Variants in OMA1 observed in about 807,000 individuals in gnomAD.
The protein encoded by OMA1 is OMA1 zinc metallopeptidase, also known as metalloendopeptidase OMA1, mitochondrial.
In OMA1, 38 loss-of-function variants were observed where a neutral mutation model predicts 30.9. The ratio of observed to expected loss-of-function variants is 1.23; its 90% CI spans 0.95 to 1.61. The LOEUF (loss-of-function observed/expected upper bound fraction) is 1.61. Among genes scored for constraint, OMA1 ranks in the 40% most tolerant of loss-of-function variants. The pLI, the probability that OMA1 is intolerant of heterozygous loss-of-function variation, is 0.00. For missense variants in OMA1, 461 were observed against 349.2 expected, an observed-to-expected ratio of 1.32 and a Z score of -2.55; for synonymous variants, 173 against 121.9, an observed-to-expected ratio of 1.42 and a Z score of -2.76.
At chr1:58,495,684 C>T (rs534866521) in intron 8 of OMA1, among the ~76,000 whole-genome samples, 3 of 150,828 alleles carry the variant, frequency 2.0e-5, no homozygotes, top group Admixed American at 6.6e-5. Flanking sequence ...GTTTCATTTG[C>T]TAAGGATCTT....
At chr1:58,496,537 A>T (rs1368949291) in intron 8 of OMA1, among the ~76,000 whole-genome samples, 1 of 152,120 alleles carries the variant, frequency 6.6e-6, no homozygotes, top group East Asian at 1.9e-4. Flanking sequence ...AGCTTATCTC[A>T]CTGGGGAACA....
intron 8 of OMA1, among the ~76,000 whole-genome samples, chr1:58,500,993 A>G (rs1645898096): frequency 6.6e-6 from 1 of 152,234 alleles, no homozygotes; most frequent in Non-Finnish European, 1.5e-5. Context: ...AAACTGTCAT[A>G]CTATTAAACA....
intron 8 of OMA1, 35 bp from the exon 9 acceptor site, chr1:58,481,209 T>C: frequency 1.5e-6 from 1 of 680,100 alleles, no homozygotes; most frequent in African/African-American, 1.8e-5. Context: ...AAATACTATA[T>C]ATATACATCA....
intron 1 of OMA1, among the ~76,000 whole-genome samples, chr1:58,543,473 C>T (rs959034872): frequency 5.9e-5 from 9 of 152,146 alleles, no homozygotes; most frequent in Admixed American, 2.0e-4. Flanking sequence ...TCATTCTAGC[C>T]TTTCCTGGGC....
At position 58,480,734 on chromosome 1, in the gene OMA1, A is replaced by G. The variant is rs540684181; in HGVS notation, c.*231T>C. On this transcript the variant is annotated 3_prime_UTR_variant, in exon 9 of 9. Transcript: ENST00000371226. Reference sequence around the variant, plus strand: ...GAAGACAGAGTAAAATGTGTAATATAAATTTATTCTGTGACATTTTCCTCA... The same window carrying G: ...GAAGACAGAGTAAAATGTGTAATATGAATTTATTCTGTGACATTTTCCTCA... The G allele has an allele frequency of 1.4e-5, 5 of 351,768 alleles. No homozygotes were observed. The East Asian group carries it at 1.7e-4, about 12-fold the overall frequency. The allele number at this position is 351,768 out of a possible 1,614,324, so 21.8% of individuals were successfully genotyped here. A position where few individuals can be genotyped will look rare whatever the true frequency, so the allele number is the denominator to read the frequency against.
intron 8 of OMA1, among the ~76,000 whole-genome samples, chr1:58,489,182 C>A (rs1176742769): frequency 6.6e-6 from 1 of 152,184 alleles, no homozygotes; most frequent in Middle Eastern, 3.2e-3. Flanking sequence ...TCAGGGAATT[C>A]CCTTTCCTAG....
intron 7 of OMA1, among the ~76,000 whole-genome samples, chr1:58,516,380 C>T (rs1238379074): frequency 6.6e-6 from 1 of 152,170 alleles, no homozygotes; most frequent in Non-Finnish European, 1.5e-5. Flanking sequence ...TTTACAGTGA[C>T]AAATGAATAT....
At chr1:58,485,055 T>A (rs1316016739) in intron 8 of OMA1, among the ~76,000 whole-genome samples, 1 of 151,956 alleles carries the variant, frequency 6.6e-6, no homozygotes, top group African/African-American at 2.4e-5. Flanking sequence ...TGGGTGATAA[T>A]GATGGGTCAA....
chr1:58,487,902 G>GT (rs1348286733), intron 8 of OMA1, among the ~76,000 whole-genome samples: 8 of 151,182 alleles, frequency 5.3e-5, no homozygotes, highest in African/African-American at 1.7e-4. Context: ...GCATGTTACC[G>GT]TACCTCTTCT....
intron 8 of OMA1, among the ~76,000 whole-genome samples, chr1:58,500,222 A>C (rs1398605369): frequency 1.3e-5 from 2 of 152,130 alleles, no homozygotes; most frequent in African/African-American, 2.4e-5. Context: ...TGTTACTGTC[A>C]GGCTTCCTGG....
At chr1:58,495,306 T>C (rs1445319026) in intron 8 of OMA1, among the ~76,000 whole-genome samples, 1 of 151,984 alleles carries the variant, frequency 6.6e-6, no homozygotes, top group Non-Finnish European at 1.5e-5. Context: ...CATTAGGAGA[T>C]ATACCTAATG....
chr1:58,487,761 C>T (rs921840917), intron 8 of OMA1, among the ~76,000 whole-genome samples: 1 of 152,128 alleles, frequency 6.6e-6, no homozygotes. Context: ...CTACTCCTAG[C>T]TGCATCCACT....
At chr1:58,490,106 A>G (rs1361814379) in intron 8 of OMA1, among the ~76,000 whole-genome samples, 1 of 152,258 alleles carries the variant, frequency 6.6e-6, no homozygotes, top group Non-Finnish European at 1.5e-5. Context: ...GACTTTGACG[A>G]GTTGAGAGAA....
intron 8 of OMA1, among the ~76,000 whole-genome samples, chr1:58,486,060 T>C (rs1281460006): frequency 6.6e-6 from 1 of 152,250 alleles, no homozygotes; most frequent in Admixed American, 6.5e-5. Context: ...GTTCACTTTC[T>C]ATGTGCCTTT....
intron 8 of OMA1, among the ~76,000 whole-genome samples, chr1:58,491,540 C>CA (rs1645690332): frequency 6.6e-6 from 1 of 152,004 alleles, no homozygotes; most frequent in African/African-American, 2.4e-5. Flanking sequence ...CAGAGACACA[C>CA]ATAGGTTCAA....
intron 1 of OMA1, among the ~76,000 whole-genome samples, chr1:58,544,269 T>C (rs1055454431): frequency 6.6e-5 from 10 of 152,242 alleles, no homozygotes; most frequent in African/African-American, 2.2e-4. Flanking sequence ...TTATTATTCA[T>C]TCATTCTGAA....
intron 7 of OMA1, among the ~76,000 whole-genome samples, chr1:58,515,478 A>G (rs1646145488): frequency 1.3e-5 from 2 of 152,308 alleles, no homozygotes; most frequent in South Asian, 4.1e-4. Flanking sequence ...GTAAAGTTTT[A>G]TCATAAGACT....
intron 1 of OMA1, among the ~76,000 whole-genome samples, chr1:58,544,957 T>C (rs1203037430): frequency 6.6e-6 from 1 of 152,090 alleles, no homozygotes; most frequent in Admixed American, 6.6e-5. Context: ...CCCAGGCTGG[T>C]TTTTAACTCC....
At chr1:58,484,290 C>T (rs180741114) in intron 8 of OMA1, among the ~76,000 whole-genome samples, 1 of 152,176 alleles carries the variant, frequency 6.6e-6, no homozygotes, top group African/African-American at 2.4e-5. Context: ...TTAAAAAAAT[C>T]TTTTCTCACC....
Sources: allele counts gnomAD v4.1 joint callset (sites outside exome capture counted in the v4.1 genomes callset), GRCh38; gene constraint gnomAD v4.1.1; transcripts MANE v1.5; gene names NCBI Gene and HGNC (gene_info 2026-07-23, HGNC 2026-07-21).